Variants in ATF7 observed in about 807,000 individuals in gnomAD.
ATF7 encodes the protein activating transcription factor 7.
A neutral mutation model predicts 50.4 loss-of-function variants in ATF7; 10 were observed. That is an observed-to-expected ratio of 0.20 (90% CI 0.12 to 0.34). The LOEUF is 0.34. Ranked by LOEUF, ATF7 falls within the 10% of genes least tolerant of loss-of-function variation. The probability of loss-of-function intolerance (pLI) is 1.00; values close to 1 mark genes in which losing one functional copy is unlikely to be tolerated. For synonymous variants in ATF7, 201 were observed against 226.4 expected, an observed-to-expected ratio of 0.89 and a Z score of 1.01; for missense variants, 465 against 613.9, an observed-to-expected ratio of 0.76 and a Z score of 2.56.
At chr12:53,541,411 T>C (rs1939543967) in intron 4 of ATF7, among the ~76,000 whole-genome samples, 1 of 152,200 alleles carries the variant, frequency 6.6e-6, no homozygotes, top group African/African-American at 2.4e-5. Flanking sequence ...TTAAAAATAG[T>C]GACCAATAAC....
intron 2 of ATF7, among the ~76,000 whole-genome samples, chr12:53,565,229 C>T (rs1303690630): frequency 1.3e-5 from 2 of 151,882 alleles, no homozygotes; most frequent in African/African-American, 4.8e-5. Flanking sequence ...AGGCCAACTC[C>T]ATCAGGGATT....
At chr12:53,519,715 T>A (rs12815744) in intron 11 of ATF7, among the ~76,000 whole-genome samples, 1 of 152,262 alleles carries the variant, frequency 6.6e-6, no homozygotes, top group Admixed American at 6.5e-5. Flanking sequence ...TGATAAACAG[T>A]CCTTATCCTC....
intron 2 of ATF7, among the ~76,000 whole-genome samples, chr12:53,559,210 T>G (rs1385138120): frequency 2.7e-5 from 4 of 149,920 alleles, no homozygotes; most frequent in Admixed American, 1.4e-4. Context: ...GTCTTAAGAT[T>G]TTTTTACTTT....
chr12:53,570,351 G>A (rs1941679202), intron 2 of ATF7, among the ~76,000 whole-genome samples: 1 of 152,168 alleles, frequency 6.6e-6, no homozygotes, highest in African/African-American at 2.4e-5. Context: ...TAGGGGAAGA[G>A]AGGAGAGAAA....
chr12:53,550,096 G>T (rs1418654827), intron 3 of ATF7, among the ~76,000 whole-genome samples: 1 of 152,024 alleles, frequency 6.6e-6, no homozygotes, highest in African/African-American at 2.4e-5. Context: ...GCCGAGGCAG[G>T]TGGATCATTC....
rs372771818 is a variant in ATF7, at chr12:53,517,179, C to T, written c.1410G>A (p.Ser470=). Residue 470 remains serine (S), a synonymous_variant, in exon 12 of 12, where the codon TCG becomes TCA. Coordinates refer to ENST00000420353, the MANE Select transcript of ATF7 (RefSeq NM_006856.3). ...QRTELSMPIQ[S]HVIMTPQSQS... ...GGGACTGTGGGGTCATGATTACATG[C>T]GATTGTATCGGCATGCTCAGTTCTG... The T allele has an allele frequency of 1.0e-4, 161 of 1,613,662 alleles. No individual in the cohort carries two copies. The East Asian group carries it at 2.3e-3, about 23-fold the overall frequency.
intron 2 of ATF7, among the ~76,000 whole-genome samples, chr12:53,574,132 G>A (rs931255476): frequency 3.9e-5 from 6 of 152,180 alleles, no homozygotes; most frequent in African/African-American, 1.4e-4. Flanking sequence ...AGATATGACA[G>A]AACTGTCAGA....
chr12:53,575,091 G>A (rs918119810), intron 2 of ATF7, among the ~76,000 whole-genome samples: 3 of 151,224 alleles, frequency 2.0e-5, no homozygotes, highest in African/African-American at 7.3e-5. Flanking sequence ...GACCAACATG[G>A]TGAAACCCCA....
intron 2 of ATF7, among the ~76,000 whole-genome samples, chr12:53,554,870 GAAAAAAAAA>G (rs61675595): frequency 1.3e-5 from 1 of 76,048 alleles, no homozygotes; most frequent in African/African-American, 4.9e-5. Context: ...CTCAAAAAAA[GAAAAAAAAA>G]AAAAAAAAAA....
intron 1 of ATF7, among the ~76,000 whole-genome samples, chr12:53,622,546 G>T (rs1944430366): frequency 1.3e-5 from 2 of 151,976 alleles, no homozygotes; most frequent in African/African-American, 4.8e-5. Flanking sequence ...GCGTGAACCT[G>T]GGAGGCGGGG....
intron 2 of ATF7, among the ~76,000 whole-genome samples, chr12:53,583,953 T>C (rs922814596): frequency 2.0e-5 from 3 of 152,164 alleles, no homozygotes; most frequent in Non-Finnish European, 4.4e-5. Flanking sequence ...CATCATGCCA[T>C]CAGGGAAATA....
chr12:53,525,455 T>C (rs1265283642), intron 9 of ATF7, among the ~76,000 whole-genome samples: 2 of 152,172 alleles, frequency 1.3e-5, no homozygotes. Flanking sequence ...ATAAAAAAGT[T>C]TGAGAATCAC....
intron 1 of ATF7, among the ~76,000 whole-genome samples, chr12:53,616,226 C>T (rs1438282844): frequency 6.6e-6 from 1 of 152,060 alleles, no homozygotes; most frequent in Non-Finnish European, 1.5e-5. Flanking sequence ...CGTTAGTTTA[C>T]TTTTGGGTTT....
intron 2 of ATF7, among the ~76,000 whole-genome samples, chr12:53,570,781 C>T (rs1050548757): frequency 6.8e-6 from 1 of 147,230 alleles, no homozygotes; most frequent in Admixed American, 6.9e-5. Context: ...GTGTGTATGT[C>T]CAATTTCCTC....
At chr12:53,561,184 A>T (rs1041575561) in intron 2 of ATF7, among the ~76,000 whole-genome samples, 2 of 151,762 alleles carry the variant, frequency 1.3e-5, no homozygotes, top group African/African-American at 2.4e-5. Context: ...TCAAGTGATC[A>T]TCCCACCTCA....
Position 53,552,691 on chromosome 12 carries a change from G to A in ATF7, c.49-54C>T, listed in dbSNP as rs1369115346. On this transcript the variant is annotated intron_variant, in intron 2 of 11. Coordinates refer to ENST00000420353, the MANE Select transcript of ATF7 (RefSeq NM_006856.3). ...AAAAACAAAAACAAAAACCCGATTC[G>A]GTGCCCTTTTAAAATGTCCTACCAA... is the stretch of plus-strand genomic sequence containing the variant. The A allele has an allele frequency of 1.3e-5, 18 of 1,388,230 alleles. No individual in the cohort carries two copies. The Admixed American group carries it at 1.6e-4, about 12-fold the overall frequency. 86.0% of individuals were successfully genotyped at this position (1,388,230 alleles called of 1,614,324 possible).
At position 53,516,436 on chromosome 12, in the gene ATF7, A is replaced by C. The variant is rs1027728024; in HGVS notation, c.*701T>G. The C allele has an allele frequency of 6.6e-6, 1 of 152,646 alleles. No homozygotes were observed. Among genetic ancestry groups the C allele is most frequent in the African/African-American group, 2.4e-5 (1 of 41,460 alleles). The allele number at this position is 152,646 out of a possible 1,614,324, so 9.5% of individuals were successfully genotyped here. ...ATGAGGTACCCAAATAGCTCTGCAA[A>C]TAGATGAAAAAGAATTAGAACTCTT... On this transcript the variant is annotated 3_prime_UTR_variant, in exon 12 of 12. Transcript: ENST00000420353.
At chr12:53,576,935 A>G (rs1184350720) in intron 2 of ATF7, among the ~76,000 whole-genome samples, 1 of 152,182 alleles carries the variant, frequency 6.6e-6, no homozygotes, top group Non-Finnish European at 1.5e-5. Flanking sequence ...GCAAGACTGT[A>G]GTCCCAACTA....
intron 2 of ATF7, among the ~76,000 whole-genome samples, chr12:53,568,617 T>C (rs1941582271): frequency 1.3e-5 from 2 of 152,234 alleles, no homozygotes; most frequent in African/African-American, 4.8e-5. Context: ...TCAAGTGCTC[T>C]AATTCTGCCC....
Sources: gnomAD v4.1 joint callset for allele counts (sites outside exome capture counted in the v4.1 genomes callset) on GRCh38, gnomAD v4.1.1 for gene constraint, MANE v1.5 for transcripts, NCBI Gene and HGNC (gene_info 2026-07-23, HGNC 2026-07-21) for gene names.